The following CARM1 variants were observed in gnomAD, a reference collection of about 807,000 sequenced individuals.
The protein encoded by CARM1 is coactivator associated arginine methyltransferase 1.
A neutral mutation model predicts 72.7 loss-of-function variants in CARM1; 14 were observed. The ratio of observed to expected loss-of-function variants is 0.19; its 90% CI spans 0.13 to 0.30. The LOEUF (loss-of-function observed/expected upper bound fraction) is 0.30. Among genes scored for constraint, CARM1 ranks in the 10% least tolerant of loss-of-function variants. The probability of loss-of-function intolerance (pLI) is 1.00; values close to 1 mark genes in which losing one functional copy is unlikely to be tolerated. For synonymous variants in CARM1, 333 were observed against 345.5 expected (o/e 0.96, Z 0.40); for missense variants, 432 against 833.7 (o/e 0.52, Z 5.93).
In CARM1 at chr19:10,871,735, C is replaced by T; in HGVS notation, c.33C>T (p.Gly11=). Residue 11 remains glycine (G), a synonymous_variant, in exon 1 of 16, where the codon GGC becomes GGT. Transcript: ENST00000327064. This position sits in a 1 kb window ranked among gnomAD's most constrained non-coding sequence, Gnocchi z 5.6. ...CGGCGGCGGCGGCGGTGGGGCCGGGCGCGGGCGGCGCGGGGTCGGCGGTCC... is the reference window on the plus strand; with the variant it reads ...CGGCGGCGGCGGCGGTGGGGCCGGGTGCGGGCGGCGCGGGGTCGGCGGTCC... MAAAAAAVGP[G]AGGAGSAVPG... is the part of the protein sequence containing the mutation. The T allele has an allele frequency of 2.0e-6, 2 of 1,013,810 alleles. No homozygotes were observed. Among genetic ancestry groups the T allele is most frequent in the South Asian group, 4.5e-5 (1 of 22,206 alleles). The allele number at this position is 1,013,810 out of a possible 1,614,324, so 62.8% of individuals were successfully genotyped here.
In CARM1 at chr19:10,912,659, T is replaced by C. The variant is rs2074161246; in HGVS notation, c.669+365T>C. ...TGAGAGAGGAGCTACGGCCACAAAG[T>C]CTGAGCAGAGCTATTCCGTGAGCGT... is the stretch of plus-strand genomic sequence containing the variant. On this transcript the variant is annotated intron_variant, in intron 5 of 15. Transcript: ENST00000327064. The surrounding 1 kb of genome is among the most constrained non-coding windows in gnomAD (Gnocchi z 4.5). Among the ~76,000 whole-genome samples the C allele has an allele frequency of 6.6e-6, 1 of 151,370 alleles. No individual in the cohort carries two copies. Among genetic ancestry groups the C allele is most frequent in the Admixed American group, 6.6e-5 (1 of 15,204 alleles).
chr19:10,908,188 G>T, intron 3 of CARM1, 43 bp downstream of exon 3: 1 of 1,318,126 alleles, frequency 7.6e-7, no homozygotes. Context: ...CCCCCCGGCA[G>T]CCCCCCTGCC....
At position 10,896,961 on chromosome 19, in the gene CARM1, A is replaced by G. The variant is rs1392423183; in HGVS notation, c.221-7990A>G. On this transcript the variant is annotated intron_variant, in intron 1 of 15. Transcript: ENST00000327064. The surrounding 1 kb of genome is among the most constrained non-coding windows in gnomAD (Gnocchi z 5.2). ...GTTTTGCAAATGAAGCTTTATGGGC[A>G]CACAGCCATGCTCATTTGTTTACAT... Among the ~76,000 whole-genome samples, 1 of 152,234 alleles carries G rather than the reference A, an allele frequency of 6.6e-6. No homozygotes were observed. The highest frequency in any genetic ancestry group is 1.5e-5 in the Non-Finnish European group (1 of 68,034).
intron 1 of CARM1, among the ~76,000 whole-genome samples, chr19:10,893,616 G>A (rs2074003887): frequency 6.6e-6 from 1 of 152,224 alleles, no homozygotes; most frequent in South Asian, 2.1e-4. Flanking sequence ...GAGATTACAG[G>A]CGTGAGCCAC....
Position 10,909,096 on chromosome 19 carries a change from G to C in CARM1, c.454-7G>C. ...TGCCCCGTGCCATCGGTATGTCTCT[G>C]TTCCAGTTTTATGGCTACCTGTCCC... On this transcript the variant is annotated splice_polypyrimidine_tract_variant and splice_region_variant and intron_variant, in intron 3 of 15. Coordinates refer to ENST00000327064, the MANE Select transcript of CARM1 (RefSeq NM_199141.2). The C allele has an allele frequency of 6.2e-7, 1 of 1,609,830 alleles. No homozygotes were observed. Among genetic ancestry groups the C allele is most frequent in the Admixed American group, 1.7e-5 (1 of 59,984 alleles).
At chr19:10,876,530 TC>T (rs1180051252) in intron 1 of CARM1, among the ~76,000 whole-genome samples, 1 of 152,188 alleles carries the variant, frequency 6.6e-6, no homozygotes, top group Non-Finnish European at 1.5e-5. Flanking sequence ...CCAGCCCTGT[TC>T]CTTGACGTCT....
At chr19:10,919,415 A>T in intron 8 of CARM1, 180 bp from the exon 9 acceptor site, 1 of 585,648 alleles carries the variant, frequency 1.7e-6, no homozygotes, top group Non-Finnish European at 3.0e-6. Context: ...GAGAGCTGTC[A>T]CCTGATTGCC....
Position 10,871,828 on chromosome 19 carries a change from C to T in CARM1, c.126C>T (p.Asp42=). The change falls in exon 1 of 16, where the codon GAC becomes GAT. Residue 42 remains aspartate, a synonymous_variant. Transcript: ENST00000327064. This position sits in a 1 kb window ranked among gnomAD's most constrained non-coding sequence, Gnocchi z 5.6. ...GCGCCCGCCTCCTCACCATCGGCGA[C>T]GCGAACGGCGAGATCCAGCGGCACG... is the stretch of plus-strand genomic sequence containing the variant. The part of the protein sequence containing the change: ...FPGARLLTIG[D]ANGEIQRHAE... The T allele has an allele frequency of 1.5e-6, 2 of 1,293,728 alleles. No homozygotes were observed. The highest frequency in any genetic ancestry group is 2.0e-6 in the Non-Finnish European group (2 of 1,013,540). 80.1% of individuals were successfully genotyped at this position (1,293,728 alleles called of 1,614,324 possible).
chr19:10,906,887 T>G (rs1599702922), intron 2 of CARM1, among the ~76,000 whole-genome samples: 4 of 144,780 alleles, frequency 2.8e-5, no homozygotes, highest in African/African-American at 1.0e-4. Context: ...TTTATTTTAT[T>G]TTATTTTATT....
At chr19:10,893,204 A>T (rs957787719) in intron 1 of CARM1, among the ~76,000 whole-genome samples, 6 of 140,382 alleles carry the variant, frequency 4.3e-5, no homozygotes, top group Non-Finnish European at 9.3e-5. Flanking sequence ...TGCCTGGCTA[A>T]TTTTATATTT....
chr19:10,880,546 G>T (rs554464201), intron 1 of CARM1, among the ~76,000 whole-genome samples: 4 of 148,268 alleles, frequency 2.7e-5, no homozygotes, highest in Non-Finnish European at 5.9e-5. Flanking sequence ...TAGAGACAGG[G>T]TCTCACTATG....
chr19:10,908,084 C>T lies in CARM1; in HGVS notation c.392C>T (p.Thr131Ile). Reference protein sequence around the residue: ...YNILKTCRGHTLERSVFSERT... With the variant: ...YNILKTCRGHILERSVFSERT... Reference sequence around the variant, plus strand: ...ATCCTGAAAACCTGCCGGGGCCACACCCTGGAGCGGTCTGTGTTCAGCGAG... The same window carrying T: ...ATCCTGAAAACCTGCCGGGGCCACATCCTGGAGCGGTCTGTGTTCAGCGAG... The change falls in exon 3 of 16, where the codon ACC (threonine) becomes ATC (isoleucine). Residue 131 changes from threonine to isoleucine, a missense_variant. Coordinates refer to ENST00000327064, the MANE Select transcript of CARM1 (RefSeq NM_199141.2). 2 of 1,614,112 alleles carry T rather than the reference C, an allele frequency of 1.2e-6. No individual in the cohort carries two copies. Among genetic ancestry groups the T allele is most frequent in the Non-Finnish European group, 1.7e-6 (2 of 1,179,992 alleles).
Position 10,923,067 on chromosome 19 carries a change from G to A in CARM1, c.*1310G>A, listed in dbSNP as rs2074287040. The A allele has an allele frequency of 3.9e-6, 2 of 509,318 alleles. No individual in the cohort carries two copies. Among genetic ancestry groups the A allele is most frequent in the Non-Finnish European group, 3.4e-6 (1 of 292,326 alleles). The allele number at this position is 509,318 out of a possible 1,614,324, so 31.5% of individuals were successfully genotyped here. A position where few individuals can be genotyped will look rare whatever the true frequency, so the allele number is the denominator to read the frequency against. ...CATAGAAAATAAAAGTGTTTGCTTTGTAAGAAAAGTCTGGAAAGTAGCAGA... is the reference window on the plus strand; with the variant it reads ...CATAGAAAATAAAAGTGTTTGCTTTATAAGAAAAGTCTGGAAAGTAGCAGA... On this transcript the variant is annotated 3_prime_UTR_variant, in exon 16 of 16. Coordinates refer to ENST00000327064, the MANE Select transcript of CARM1 (RefSeq NM_199141.2).
chr19:10,897,113 T>A (rs756997674), intron 1 of CARM1, among the ~76,000 whole-genome samples: 1 of 152,222 alleles, frequency 6.6e-6, no homozygotes, highest in Non-Finnish European at 1.5e-5. Flanking sequence ...AGCCAAGGCC[T>A]GCTCTAGGAA....
At position 10,921,634 on chromosome 19, in the gene CARM1, CAGT is replaced by C. The variant is rs757815920; in HGVS notation, c.1705_1707del (p.Ser569del). On this transcript the variant is annotated inframe_deletion, in exon 16 of 16. Coordinates refer to ENST00000327064, the MANE Select transcript of CARM1 (RefSeq NM_199141.2). ...CCACAGGGTCCTCCGGCGCCCAGGGCAGTGGTGGTGGCAGCACGAGTGCCCACT... is the reference window on the plus strand; with the variant it reads ...CCACAGGGTCCTCCGGCGCCCAGGGCGGTGGTGGCAGCACGAGTGCCCACT... 6 of 1,612,828 alleles carry C rather than the reference CAGT, an allele frequency of 3.7e-6. No individual in the cohort carries two copies. The highest frequency in any genetic ancestry group is 4.2e-6 in the Non-Finnish European group (5 of 1,179,382).
intron 3 of CARM1, 119 bp from the exon 4 acceptor site, chr19:10,908,984 C>G (rs945896216): frequency 1.5e-6 from 1 of 679,466 alleles, no homozygotes; most frequent in African/African-American, 1.8e-5. Context: ...AGAGGGTGCA[C>G]GACCTCCCGA....
intron 1 of CARM1, among the ~76,000 whole-genome samples, chr19:10,885,370 G>A (rs919897748): frequency 2.0e-5 from 3 of 152,070 alleles, no homozygotes; most frequent in Non-Finnish European, 4.4e-5. Context: ...CCTTTATGTC[G>A]TTGGCAGGTC....
chr19:10,901,664 C>T (rs2074066835), intron 1 of CARM1, among the ~76,000 whole-genome samples: 1 of 152,120 alleles, frequency 6.6e-6, no homozygotes, highest in South Asian at 2.1e-4. Flanking sequence ...GTTCTTGGCC[C>T]AGCCCAGTGG....
At chr19:10,872,816 C>T (rs566112169) in intron 1 of CARM1, among the ~76,000 whole-genome samples, 61 of 152,026 alleles carry the variant, frequency 4.0e-4, no homozygotes, top group Non-Finnish European at 6.6e-4. Context: ...TTTTGCTACT[C>T]TGTGTCATTT....
Sources: allele counts gnomAD v4.1 joint callset (sites outside exome capture counted in the v4.1 genomes callset), GRCh38; gene constraint gnomAD v4.1.1; non-coding constraint Gnocchi (gnomAD v3.1); transcripts MANE v1.5; gene names NCBI Gene and HGNC (gene_info 2026-07-23, HGNC 2026-07-21).